The following DNAH14 variants were observed in gnomAD, a reference collection of about 807,000 sequenced individuals.
The protein encoded by DNAH14 is axonemal beta dynein heavy chain 14.
In DNAH14, 478 loss-of-function variants were observed where a neutral mutation model predicts 520.9. The ratio of observed to expected loss-of-function variants is 0.92; its 90% CI spans 0.85 to 0.99. The LOEUF is 0.99. Ranked by LOEUF, DNAH14 falls within the 50% of genes least tolerant of loss-of-function variation. The pLI is 0.00. For synonymous variants in DNAH14, 1,581 were observed against 1,757.2 expected, an observed-to-expected ratio of 0.90 and a Z score of 2.51; for missense variants, 4,831 against 5,234.5, an observed-to-expected ratio of 0.92 and a Z score of 2.38.
At chr1:225,030,378 A>G (rs2066439427) in intron 11 of DNAH14, among the ~76,000 whole-genome samples, 1 of 151,930 alleles carries the variant, frequency 6.6e-6, no homozygotes, top group Non-Finnish European at 1.5e-5. Context: ...AAGAGTTTTT[A>G]ATTTTTATGA....
At chr1:225,225,669 A>G (rs966044427) in intron 41 of DNAH14, among the ~76,000 whole-genome samples, 1 of 152,214 alleles carries the variant, frequency 6.6e-6, no homozygotes, top group East Asian at 1.9e-4. Context: ...AATTTCAATC[A>G]ACCATAAAAA....
At chr1:225,394,749 C>T (rs1298171778) in intron 84 of DNAH14, among the ~76,000 whole-genome samples, 1 of 151,316 alleles carries the variant, frequency 6.6e-6, no homozygotes, top group African/African-American at 2.4e-5. Context: ...GAGGCTGAGG[C>T]AGGAGTATTG....
At chr1:225,082,205 C>T (rs181802133) in intron 19 of DNAH14, among the ~76,000 whole-genome samples, 4 of 37,388 alleles carry the variant, frequency 1.1e-4, no homozygotes, top group Non-Finnish European at 3.4e-4. Flanking sequence ...TGTGCACATG[C>T]GCATGTACCC....
chr1:225,397,676 C>A (rs1473480653), intron 84 of DNAH14: 1 of 152,250 alleles, frequency 6.6e-6, no homozygotes, highest in Non-Finnish European at 1.5e-5. Context: ...ACTTCACAGA[C>A]CTCATCAGAA....
At chr1:225,360,395 C>G (rs944560160) in intron 74 of DNAH14, among the ~76,000 whole-genome samples, 1 of 152,142 alleles carries the variant, frequency 6.6e-6, no homozygotes, top group Non-Finnish European at 1.5e-5. Flanking sequence ...ATACAGCCAT[C>G]TCGAACAACA....
In DNAH14 at chr1:225,056,708, T is replaced by C. The variant is rs572208856; in HGVS notation, c.2424+4913T>C. Among the ~76,000 whole-genome samples, 1,057 of 152,300 alleles carry C rather than the reference T, an allele frequency of 6.9e-3. 8 individuals carry two copies. Among genetic ancestry groups the C allele is most frequent in the African/African-American group, 0.024 (989 of 41,542 alleles). On this transcript the variant is annotated intron_variant, in intron 17 of 85. Transcript: ENST00000682510. ...AATCCATCTTGAATTAATTTTTGTATAAGGTGTAAGGAAGGGATCCAGTTT... is the reference window on the plus strand; with the variant it reads ...AATCCATCTTGAATTAATTTTTGTACAAGGTGTAAGGAAGGGATCCAGTTT...
chr1:225,199,959 C>A (rs2086611528), intron 38 of DNAH14, among the ~76,000 whole-genome samples: 1 of 151,766 alleles, frequency 6.6e-6, no homozygotes, highest in African/African-American at 2.4e-5. Context: ...TATTGTGTTG[C>A]TGTCTATCTC....
rs185056429 is a variant in DNAH14, at chr1:225,061,759, T to A, written c.2424+9964T>A. Among the ~76,000 whole-genome samples, 4 of 152,288 alleles carry A rather than the reference T, an allele frequency of 2.6e-5. No homozygotes were observed. In the East Asian group the frequency reaches 7.7e-4, roughly 29 times the overall value. Reference sequence around the variant, plus strand: ...TCAGCCTCCTGAATAGCTAGGATTATAGGCACAAGCCACCACACCTGGCTG... The same window carrying A: ...TCAGCCTCCTGAATAGCTAGGATTAAAGGCACAAGCCACCACACCTGGCTG... On this transcript the variant is annotated intron_variant, in intron 17 of 85. Coordinates refer to ENST00000682510, the MANE Select transcript of DNAH14 (RefSeq NM_001367479.1).
chr1:225,031,741 G>A (rs2066543386), intron 11 of DNAH14, among the ~76,000 whole-genome samples: 1 of 151,850 alleles, frequency 6.6e-6, no homozygotes. Context: ...TTCTTTTACT[G>A]TATTTTAAAT....
chr1:225,270,758 T>G lies in DNAH14; in HGVS notation c.7563T>G (p.Val2521=), dbSNP rs1280967965. The part of the protein sequence containing the change: ...TWKNIQDLSI[V]AACVPVVNDI... ...AGAATATTCAAGATCTGTCTATAGT[T>G]GCAGCTTGTGTTCCAGTTGTGAATG... is the stretch of plus-strand genomic sequence containing the variant. Residue 2521 remains valine (V), a synonymous_variant, in exon 50 of 86, where the codon GTT becomes GTG. Transcript: ENST00000682510. 12 of 1,551,250 alleles carry G rather than the reference T, an allele frequency of 7.7e-6. No individual in the cohort carries two copies. The highest frequency in any genetic ancestry group is 1.7e-4 in the Middle Eastern group (1 of 6,010).
In DNAH14 at chr1:225,324,833, G is replaced by T. The variant is rs1170668428; in HGVS notation, c.9723+1G>T. 1.9e-6 allele frequency: 3 copies of T among 1,550,166 alleles called. No homozygotes were observed. The highest frequency in any genetic ancestry group is 1.7e-6 in the Non-Finnish European group (2 of 1,145,908). The stretch of plus-strand genomic sequence containing the variant: ...TGAGAAACAAAGAGGTTTACAGCTG[G>T]TAAGAAATACAGTTCAGTTCTCAAA... On this transcript the variant is annotated splice_donor_variant, in intron 64 of 85. Coordinates refer to ENST00000682510, the MANE Select transcript of DNAH14 (RefSeq NM_001367479.1). LOFTEE classifies it high-confidence loss of function.
At chr1:224,935,973 C>G (rs913267855) in intron 1 of DNAH14, among the ~76,000 whole-genome samples, 1 of 151,390 alleles carries the variant, frequency 6.6e-6, no homozygotes, top group Admixed American at 6.6e-5. Context: ...ACCAGTGAGT[C>G]AATGAAGAAA....
intron 43 of DNAH14, among the ~76,000 whole-genome samples, chr1:225,242,961 G>A (rs2092057178): frequency 6.6e-6 from 1 of 152,112 alleles, no homozygotes; most frequent in African/African-American, 2.4e-5. Flanking sequence ...AAACATCATT[G>A]TGTGGCACAT....
intron 58 of DNAH14, among the ~76,000 whole-genome samples, 163 bp downstream of exon 58, chr1:225,305,252 T>C (rs2094216524): frequency 6.6e-6 from 1 of 152,180 alleles, no homozygotes; most frequent in South Asian, 2.1e-4. Context: ...ATTCCCCCTG[T>C]GTGCCTTCAA....
intron 17 of DNAH14, among the ~76,000 whole-genome samples, chr1:225,073,544 A>G (rs1367536950): frequency 6.6e-6 from 1 of 152,094 alleles, no homozygotes. Flanking sequence ...AGCTTGGGCT[A>G]TCCAGAGCCC....
At chr1:225,010,004 A>G (rs2064569107) in intron 10 of DNAH14, among the ~76,000 whole-genome samples, 1 of 152,168 alleles carries the variant, frequency 6.6e-6, no homozygotes, top group South Asian at 2.1e-4. Context: ...GACTGAAATG[A>G]TGGGGTTTTC....
chr1:225,394,796 A>T (rs553545612), intron 84 of DNAH14, among the ~76,000 whole-genome samples: 1 of 151,574 alleles, frequency 6.6e-6, no homozygotes, highest in Non-Finnish European at 1.5e-5. Flanking sequence ...GTGAGCAGAG[A>T]TCGTGCTACT....
chr1:225,294,823 TA>T (rs143146632), intron 55 of DNAH14, among the ~76,000 whole-genome samples: 69 of 93,228 alleles, frequency 7.4e-4, no homozygotes, highest in Non-Finnish European at 7.4e-4. Flanking sequence ...GACTCCATCT[TA>T]AAAAAAAAAA....
chr1:225,028,255 A>T (rs1358328292), intron 11 of DNAH14, among the ~76,000 whole-genome samples: 1 of 150,878 alleles, frequency 6.6e-6, no homozygotes, highest in Non-Finnish European at 1.5e-5. Context: ...TCTGGGCCTC[A>T]GCTTTTGTGT....
Sources: allele counts gnomAD v4.1 joint callset (sites outside exome capture counted in the v4.1 genomes callset), GRCh38; gene constraint gnomAD v4.1.1; transcripts MANE v1.5; gene names NCBI Gene and HGNC (gene_info 2026-07-23, HGNC 2026-07-21).